Variants in ESYT2 observed in about 807,000 individuals in gnomAD.
The protein encoded by ESYT2 is extended synaptotagmin 2.
A neutral mutation model predicts 107.2 loss-of-function variants in ESYT2; 54 were observed. The ratio of observed to expected loss-of-function variants is 0.50; its 90% confidence interval spans 0.40 to 0.63. The LOEUF (loss-of-function observed/expected upper bound fraction) is 0.63, where lower values mean the gene tolerates loss of function less well. ESYT2 is among the 30% of genes least tolerant of loss of function. ESYT2 has a pLI of 0.00. For missense variants in ESYT2, 1,020 were observed against 1,094.5 expected, an observed-to-expected ratio of 0.93 and a Z score of 0.96; for synonymous variants, 491 against 434.1, an observed-to-expected ratio of 1.13 and a Z score of -1.63.
chr7:158,782,396 GAAC>G (rs1230907280), intron 6 of ESYT2, among the ~76,000 whole-genome samples: 1 of 149,546 alleles, frequency 6.7e-6, no homozygotes, highest in African/African-American at 2.5e-5. Flanking sequence ...GTAAGAACGA[GAAC>G]AAGTGAGTGA....
At chr7:158,753,007 T>C (rs1837631061) in intron 13 of ESYT2, among the ~76,000 whole-genome samples, 164 bp from the exon 14 acceptor site, 2 of 152,220 alleles carry the variant, frequency 1.3e-5, no homozygotes, top group South Asian at 4.1e-4. Flanking sequence ...ATAAAATTCT[T>C]TATGCCCAAG....
At chr7:158,824,012 T>C (rs1370859284) in intron 1 of ESYT2, among the ~76,000 whole-genome samples, 1 of 152,220 alleles carries the variant, frequency 6.6e-6, no homozygotes, top group African/African-American at 2.4e-5. Context: ...ATCCACAACA[T>C]ACAGGCTGAT....
Position 158,829,165 on chromosome 7 carries a change from C to T in ESYT2, c.254G>A (p.Cys85Tyr), listed in dbSNP as rs746999214. Residue 85 changes from cysteine (C) to tyrosine (Y), a missense_variant, in exon 1 of 23, where the codon TGC becomes TAC. Physicochemically the swap from Cys to Tyr is radical, Grantham distance 194. Transcript: ENST00000275418. ...GTCTTCCAGCAGCGCCAGCGCGCGGCACAGGCGCAGGGCCTTGAGGCCGCG... is the reference window on the plus strand; with the variant it reads ...GTCTTCCAGCAGCGCCAGCGCGCGGTACAGGCGCAGGGCCTTGAGGCCGCG... The part of the protein sequence containing the change: ...RSRGLKALRL[C>Y]RALALLEDEE... 5.2e-6 allele frequency: 8 copies of T among 1,552,686 alleles called. No homozygotes were observed. In the East Asian group the frequency reaches 1.2e-4, roughly 23 times the overall value.
rs753650734 is a variant in ESYT2, at chr7:158,743,737, T to C, written c.1645-59A>G. ...TAGGATCATGTCTGCAGAACCTTTC[T>C]ACGTTGTCTACGCTCCTGACCCTTT... On this transcript the variant is annotated intron_variant, in intron 16 of 22. Transcript: ENST00000275418. 6 of 1,540,580 alleles carry C rather than the reference T, an allele frequency of 3.9e-6. No individual in the cohort carries two copies. The East Asian group carries it at 1.2e-4, about 31-fold the overall frequency.
At chr7:158,745,435 A>G (rs554819331) in intron 16 of ESYT2, among the ~76,000 whole-genome samples, 11 of 138,132 alleles carry the variant, frequency 8.0e-5, no homozygotes, top group East Asian at 2.8e-4. Flanking sequence ...CATACCTGAT[A>G]TAAGTAGTCT....
At chr7:158,776,269 C>T (rs1415090342) in intron 6 of ESYT2, among the ~76,000 whole-genome samples, 2 of 152,142 alleles carry the variant, frequency 1.3e-5, no homozygotes, top group African/African-American at 4.8e-5. Flanking sequence ...TTAAAGTCAC[C>T]ACCTGCATTA....
At chr7:158,782,378 A>AGTG (rs1399756139) in intron 6 of ESYT2, among the ~76,000 whole-genome samples, 45 of 51,334 alleles carry the variant, frequency 8.8e-4, no homozygotes, top group Middle Eastern at 0.016. Context: ...GTGTGAGAAC[A>AGTG]AAGTGAGGTA....
At chr7:158,769,447 C>T (rs1838278027) in intron 7 of ESYT2, among the ~76,000 whole-genome samples, 1 of 152,188 alleles carries the variant, frequency 6.6e-6, no homozygotes, top group South Asian at 2.1e-4. Context: ...GCCTCCTCAC[C>T]CCACTACACC....
chr7:158,816,440 C>A (rs1840150800), intron 1 of ESYT2, among the ~76,000 whole-genome samples: 2 of 152,234 alleles, frequency 1.3e-5, no homozygotes, highest in Admixed American at 1.3e-4. Context: ...ATGAAAGCAG[C>A]TGCCAGCTCT....
intron 6 of ESYT2, among the ~76,000 whole-genome samples, chr7:158,777,292 TAGG>T (rs1253552375): frequency 1.3e-5 from 2 of 152,112 alleles, no homozygotes; most frequent in Admixed American, 6.5e-5. Flanking sequence ...GAGGGAGACA[TAGG>T]AGAACAGTCA....
chr7:158,794,212 G>A (rs985354563), intron 3 of ESYT2, among the ~76,000 whole-genome samples: 3 of 152,024 alleles, frequency 2.0e-5, no homozygotes, highest in African/African-American at 7.2e-5. Flanking sequence ...AGACTTTCAC[G>A]CCCAGGCGTG....
At chr7:158,781,879 AAGTAAGAACG>A (rs1417461258) in intron 6 of ESYT2, among the ~76,000 whole-genome samples, 2 of 18,860 alleles carry the variant, frequency 1.1e-4, no homozygotes, top group Non-Finnish European at 4.9e-4. Flanking sequence ...GAACGAGAAC[AAGTAAGAACG>A]AGAACAAGTG....
intron 1 of ESYT2, among the ~76,000 whole-genome samples, chr7:158,813,628 T>A (rs568571087): frequency 6.6e-6 from 1 of 152,328 alleles, no homozygotes; most frequent in South Asian, 2.1e-4. Context: ...CTAGTAGACT[T>A]GCACTAAAAG....
At chr7:158,759,847 T>C (rs200362643) in intron 12 of ESYT2, among the ~76,000 whole-genome samples, 1 of 152,222 alleles carries the variant, frequency 6.6e-6, no homozygotes, top group Non-Finnish European at 1.5e-5. Context: ...GAAGATCTGA[T>C]AAAACAGGTA....
chr7:158,753,235 T>C (rs1354725896), intron 13 of ESYT2, among the ~76,000 whole-genome samples: 1 of 152,182 alleles, frequency 6.6e-6, no homozygotes, highest in Non-Finnish European at 1.5e-5. Flanking sequence ...GCACAATGAA[T>C]GGGCCACAGC....
At chr7:158,748,846 A>C (rs1465012332) in intron 15 of ESYT2, among the ~76,000 whole-genome samples, 1 of 151,886 alleles carries the variant, frequency 6.6e-6, no homozygotes, top group African/African-American at 2.4e-5. Context: ...CAGCCTCCCA[A>C]GTAGCTGGGA....
intron 1 of ESYT2, among the ~76,000 whole-genome samples, chr7:158,808,895 G>C (rs1839909234): frequency 6.6e-6 from 1 of 151,934 alleles, no homozygotes; most frequent in South Asian, 2.1e-4. Context: ...AGAATTGCTT[G>C]AACTCGGGTG....
chr7:158,768,325 C>CT (rs1055915421), intron 7 of ESYT2, among the ~76,000 whole-genome samples: 155 of 152,332 alleles, frequency 1.0e-3, no homozygotes, highest in African/African-American at 3.5e-3. Context: ...TTATCCAACA[C>CT]TTTGAGTATT....
At chr7:158,782,159 G>T (rs1277523907) in intron 6 of ESYT2, among the ~76,000 whole-genome samples, 13 of 151,910 alleles carry the variant, frequency 8.6e-5, no homozygotes, top group Admixed American at 4.6e-4. Context: ...AAGTGTGAGT[G>T]TGAGAACAGT....
Sources: gnomAD v4.1 joint callset for allele counts (sites outside exome capture counted in the v4.1 genomes callset) on GRCh38, gnomAD v4.1.1 for gene constraint, MANE v1.5 for transcripts, NCBI Gene and HGNC (gene_info 2026-07-23, HGNC 2026-07-21) for gene names.